The following GLIS3 variants were observed in gnomAD, a reference collection of about 807,000 sequenced individuals.
GLIS3 encodes the protein zinc finger protein GLIS3.
In GLIS3, 53 loss-of-function variants were observed where a neutral mutation model predicts 78.6. The ratio of observed to expected loss-of-function variants is 0.67; its 90% confidence interval spans 0.54 to 0.85. The LOEUF is 0.85. GLIS3 is among the 40% of genes least tolerant of loss of function. The pLI, the probability that GLIS3 is intolerant of heterozygous loss-of-function variation, is 0.00. For synonymous variants in GLIS3, 684 were observed against 509.9 expected, an observed-to-expected ratio of 1.34 and a Z score of -4.60; for missense variants, 1,703 against 1,231.1, an observed-to-expected ratio of 1.38 and a Z score of -5.74.
chr9:4,391,175 G>A, the GLIS3 span, among the ~76,000 whole-genome samples: 2 of 152,140 alleles, frequency 1.3e-5, no homozygotes, highest in East Asian at 1.9e-4. Flanking sequence ...GGAGGTCAGT[G>A]AGGCTTCCTC....
intron 2 of GLIS3, among the ~76,000 whole-genome samples, chr9:4,177,614 T>G (rs1411034304): frequency 6.6e-6 from 1 of 152,210 alleles, no homozygotes; most frequent in Non-Finnish European, 1.5e-5. Context: ...TGTTGATTTC[T>G]AAGATCTATT....
At chr9:4,309,820 A>G (rs949431230) in intron 3 of GLIS3, among the ~76,000 whole-genome samples, 2 of 152,164 alleles carry the variant, frequency 1.3e-5, no homozygotes, top group Admixed American at 1.3e-4. Flanking sequence ...AAGCGCTGGG[A>G]TAACTCCGAA....
chr9:3,855,099 C>T (rs868204224), intron 9 of GLIS3, among the ~76,000 whole-genome samples: 7 of 152,132 alleles, frequency 4.6e-5, no homozygotes, highest in African/African-American at 1.7e-4. Context: ...GATCTGATTG[C>T]CCTAGGAAGT....
chr9:4,167,046 G>A (rs7873467), intron 2 of GLIS3, among the ~76,000 whole-genome samples: 5 of 151,978 alleles, frequency 3.3e-5, no homozygotes, highest in East Asian at 1.9e-4. Flanking sequence ...AAACATTGAC[G>A]CAAGTGGAGA....
At chr9:4,466,448 G>C in the GLIS3 span, among the ~76,000 whole-genome samples, 6 of 152,116 alleles carry the variant, frequency 3.9e-5, no homozygotes, top group East Asian at 9.6e-4. Flanking sequence ...TATGAGGCCA[G>C]TATTACCCTT....
the GLIS3 span, among the ~76,000 whole-genome samples, chr9:4,354,954 A>G: frequency 6.6e-6 from 1 of 151,952 alleles, no homozygotes; most frequent in African/African-American, 2.4e-5. Flanking sequence ...ATCTCTACTA[A>G]AAATACCAAA....
intron 4 of GLIS3, among the ~76,000 whole-genome samples, chr9:4,117,236 C>G (rs1394430997): frequency 6.6e-6 from 1 of 152,222 alleles, no homozygotes; most frequent in South Asian, 2.1e-4. Context: ...TAGCTAGTCT[C>G]TCAACCCTGG....
Position 3,882,279 on chromosome 9 carries a change from C to T in GLIS3, c.2129-2684G>A, listed in dbSNP as rs142060154. On this transcript the variant is annotated intron_variant, in intron 7 of 10. Transcript: ENST00000381971. Reference sequence around the variant, plus strand: ...GACAGGGACAGAAAGGAACATTTATCCACCAACTCCTATTTTTCATTTGTT... The same window carrying T: ...GACAGGGACAGAAAGGAACATTTATTCACCAACTCCTATTTTTCATTTGTT... 5.6e-3 allele frequency among the ~76,000 whole-genome samples: 855 copies of T among 152,254 alleles called. 10 individuals are homozygous for T. The highest frequency in any genetic ancestry group is 0.02 in the African/African-American group (822 of 41,542).
At chr9:4,380,124 C>G in the GLIS3 span, among the ~76,000 whole-genome samples, 1 of 152,162 alleles carries the variant, frequency 6.6e-6, no homozygotes, top group Admixed American at 6.5e-5. Flanking sequence ...GGTTTCAAAC[C>G]TAGAAGGCAT....
intron 4 of GLIS3, among the ~76,000 whole-genome samples, chr9:4,104,264 C>G (rs1012021660): frequency 6.6e-6 from 1 of 152,062 alleles, no homozygotes; most frequent in Non-Finnish European, 1.5e-5. Flanking sequence ...CCATGATCAT[C>G]CCTATCTCAG....
At chr9:4,488,898 G>T in the GLIS3 span, among the ~76,000 whole-genome samples, 41,706 of 150,102 alleles carry the variant, frequency 0.28, 6,352 homozygotes, top group East Asian at 0.61. Flanking sequence ...TGACAGTCTC[G>T]CTCTGTCGCC....
chr9:4,015,506 A>G (rs1210735507), intron 4 of GLIS3, among the ~76,000 whole-genome samples: 1 of 152,210 alleles, frequency 6.6e-6, no homozygotes, highest in African/African-American at 2.4e-5. Context: ...TTCACCTTTC[A>G]TGAAGCTGAG....
intron 1 of GLIS3, among the ~76,000 whole-genome samples, chr9:4,294,715 T>C (rs1191286769): frequency 2.6e-5 from 4 of 152,188 alleles, no homozygotes; most frequent in African/African-American, 4.8e-5. Context: ...TTTGGGGTCA[T>C]AGCTAATTTA....
chr9:4,021,361 T>C (rs754675157), intron 4 of GLIS3, among the ~76,000 whole-genome samples: 14 of 152,212 alleles, frequency 9.2e-5, no homozygotes, highest in African/African-American at 2.4e-4. Flanking sequence ...AGATTTCTCA[T>C]GGTCCTTTGC....
At chr9:3,883,804 C>A (rs1821893769) in intron 7 of GLIS3, among the ~76,000 whole-genome samples, 1 of 152,174 alleles carries the variant, frequency 6.6e-6, no homozygotes, top group African/African-American at 2.4e-5. Context: ...TTAAGCACAG[C>A]AGAGGAACAT....
At chr9:4,376,086 T>C in the GLIS3 span, among the ~76,000 whole-genome samples, 1 of 152,134 alleles carries the variant, frequency 6.6e-6, no homozygotes, top group African/African-American at 2.4e-5. Flanking sequence ...AGCCTTATGA[T>C]CGTTCAGAAC....
intron 4 of GLIS3, chr9:4,054,553 A>G: frequency 1.1e-6 from 1 of 934,944 alleles, no homozygotes; most frequent in Non-Finnish European, 1.3e-6. Flanking sequence ...ATCAGTGCGG[A>G]GCAGGTCACA....
chr9:4,408,736 A>C, the GLIS3 span, among the ~76,000 whole-genome samples: 2 of 151,362 alleles, frequency 1.3e-5, no homozygotes, highest in Admixed American at 1.3e-4. Context: ...CAAAAAAAAA[A>C]AAAAAAAAAA....
intron 6 of GLIS3, among the ~76,000 whole-genome samples, chr9:3,908,706 G>GTTTTTTTTTATTTTTTTTTTTTTTTTT (rs1823893879): frequency 1.2e-5 from 1 of 85,554 alleles, no homozygotes; most frequent in African/African-American, 5.4e-5. Flanking sequence ...ATTTGTATTT[G>GTTTTTTTTTATTTTTTTTTTTTTTTTT]TTTTTTTTTT....
Sources: gnomAD v4.1 joint callset for allele counts (sites outside exome capture counted in the v4.1 genomes callset) on GRCh38, gnomAD v4.1.1 for gene constraint, MANE v1.5 for transcripts, NCBI Gene and HGNC (gene_info 2026-07-23, HGNC 2026-07-21) for gene names.